Variants in VPS8 observed in about 807,000 individuals in gnomAD.
The protein encoded by VPS8 is VPS8 subunit of CORVET complex, also known as vacuolar protein sorting-associated protein 8 homolog.
In VPS8, 129 loss-of-function variants were observed where a neutral mutation model predicts 216.4. The observed-to-expected ratio is 0.60, with a 90% CI of 0.52 to 0.69. The LOEUF (loss-of-function observed/expected upper bound fraction) is 0.69. Ranked by LOEUF, VPS8 falls within the 30% of genes least tolerant of loss-of-function variation. The probability of loss-of-function intolerance (pLI) is 0.00; values close to 1 mark genes in which losing one functional copy is unlikely to be tolerated. For synonymous variants in VPS8, 571 were observed against 565.4 expected, an observed-to-expected ratio of 1.01 and a Z score of -0.14; for missense variants, 1,531 against 1,683.5, an observed-to-expected ratio of 0.91 and a Z score of 1.59.
intron 22 of VPS8, among the ~76,000 whole-genome samples, chr3:184,891,491 G>A (rs1468248488): frequency 1.3e-5 from 2 of 151,876 alleles, no homozygotes; most frequent in Non-Finnish European, 2.9e-5. Flanking sequence ...CAAAGCTGGG[G>A]GAAAAAAGGC....
intron 25 of VPS8, among the ~76,000 whole-genome samples, chr3:184,912,053 G>A (rs550437245): frequency 1.3e-5 from 2 of 152,056 alleles, no homozygotes; most frequent in African/African-American, 4.8e-5. Context: ...GTAACCATTC[G>A]TCCTTTTAAT....
chr3:184,941,407 G>A (rs1177618187), intron 36 of VPS8, among the ~76,000 whole-genome samples: 1 of 151,008 alleles, frequency 6.6e-6, no homozygotes, highest in Non-Finnish European at 1.5e-5. Flanking sequence ...TTATTACTGA[G>A]GGTAGACATC....
intron 25 of VPS8, among the ~76,000 whole-genome samples, chr3:184,909,849 G>A (rs1052789605): frequency 6.6e-6 from 1 of 152,062 alleles, no homozygotes; most frequent in African/African-American, 2.4e-5. Flanking sequence ...ACATTGTGTG[G>A]AGAGTATGGG....
At position 184,839,712 on chromosome 3, in the gene VPS8, G is replaced by A; in HGVS notation, c.495G>A (p.Leu165=). Residue 165 remains leucine (L), a synonymous_variant, in exon 7 of 48, where the codon CTG becomes CTA. Coordinates refer to ENST00000625842, the MANE Select transcript of VPS8 (RefSeq NM_001009921.3). ...GLPTAIAVSS[L]IAVGTSHGLA... is the part of the protein sequence containing the mutation. ...TTTGTTTTCAGGCAGTATCCAGTCT[G>A]ATAGCAGTGGGTACATCTCATGGAT... 1 of 1,606,484 alleles carries A rather than the reference G, an allele frequency of 6.2e-7. No individual in the cohort carries two copies.
Position 184,898,591 on chromosome 3 carries a change from T to C in VPS8, c.2031T>C (p.Arg677=). 1 of 1,554,634 alleles carries C rather than the reference T, an allele frequency of 6.4e-7. No homozygotes were observed. The highest frequency in any genetic ancestry group is 8.7e-7 in the Non-Finnish European group (1 of 1,147,960). ...QQVVLMCWEN[R]LYDAMIYVYN... Reference sequence around the variant, plus strand: ...TAGTTCTCATGTGTTGGGAAAATCGTTTATATGATGCTATGATCTATGTCT... The same window carrying C: ...TAGTTCTCATGTGTTGGGAAAATCGCTTATATGATGCTATGATCTATGTCT... The change falls in exon 24 of 48, where the codon CGT becomes CGC. Residue 677 remains arginine, a synonymous_variant. Transcript: ENST00000625842.
rs926961394 is a variant in VPS8, at chr3:184,841,073, T to A, written c.535+1321T>A. On this transcript the variant is annotated intron_variant, in intron 7 of 47. Transcript: ENST00000625842. ...CAAAGGTAATTGATTTAAATAAGAG[T>A]TTTATTGTTTGGGGACCAGAAGAGT... is the stretch of plus-strand genomic sequence containing the variant. Among the ~76,000 whole-genome samples the A allele has an allele frequency of 6.6e-5, 10 of 152,138 alleles. No homozygotes were observed. In the South Asian group the frequency reaches 2.1e-3, roughly 32 times the overall value.
rs538774321 is a variant in VPS8, at chr3:184,880,991, C to G, written c.1735-5119C>G. Among the ~76,000 whole-genome samples the G allele has an allele frequency of 1.7e-3, 257 of 152,198 alleles. 6 individuals carry two copies. In the South Asian group the frequency reaches 0.018, roughly 10 times the overall value. On this transcript the variant is annotated intron_variant, in intron 21 of 47. Coordinates refer to ENST00000625842, the MANE Select transcript of VPS8 (RefSeq NM_001009921.3). ...TGAAATGTTTCTGCATGGGTTTTGCCTCTCTTCTAACTGGATTGTTTCTCA... is the reference window on the plus strand; with the variant it reads ...TGAAATGTTTCTGCATGGGTTTTGCGTCTCTTCTAACTGGATTGTTTCTCA...
intron 36 of VPS8, among the ~76,000 whole-genome samples, chr3:184,950,758 C>T (rs1325524925): frequency 6.6e-6 from 1 of 152,042 alleles, no homozygotes; most frequent in Non-Finnish European, 1.5e-5. Context: ...TGTTCTTCCC[C>T]TCCCTGTGTC....
chr3:184,936,876 T>A (rs1412514480), intron 35 of VPS8, among the ~76,000 whole-genome samples: 4 of 152,022 alleles, frequency 2.6e-5, no homozygotes, highest in African/African-American at 9.7e-5. Context: ...TAGCTGGGAC[T>A]ACAGATGCCT....
chr3:184,893,591 C>T (rs1380751195), intron 22 of VPS8, among the ~76,000 whole-genome samples: 2 of 152,098 alleles, frequency 1.3e-5, no homozygotes, highest in African/African-American at 4.8e-5. Flanking sequence ...TCTGGTGAAA[C>T]TGGTAGGATT....
chr3:184,885,839 CCT>C (rs1419102568), intron 21 of VPS8: 7 of 301,946 alleles, frequency 2.3e-5, no homozygotes, highest in East Asian at 5.3e-5. Flanking sequence ...TCTTCTGCTC[CCT>C]CTGTTAGAAA....
intron 45 of VPS8, among the ~76,000 whole-genome samples, chr3:185,015,600 A>G (rs528328817): frequency 9.2e-5 from 14 of 152,332 alleles, no homozygotes; most frequent in East Asian, 1.9e-4. Flanking sequence ...AGCACCTTCA[A>G]TTGGTTTAAA....
chr3:184,963,604 C>T (rs1746905483), intron 37 of VPS8, among the ~76,000 whole-genome samples: 1 of 151,920 alleles, frequency 6.6e-6, no homozygotes, highest in Non-Finnish European at 1.5e-5. Flanking sequence ...TATTTTAATT[C>T]CAATCTTGTA....
chr3:184,849,541 G>A (rs1168166813), intron 9 of VPS8: 1 of 249,128 alleles, frequency 4.0e-6, no homozygotes, highest in African/African-American at 2.3e-5. Flanking sequence ...AACGATTTTT[G>A]CATTTCTTTC....
chr3:184,984,625 A>T (rs1750787094), intron 42 of VPS8, among the ~76,000 whole-genome samples: 1 of 152,262 alleles, frequency 6.6e-6, no homozygotes, highest in Middle Eastern at 3.4e-3. Flanking sequence ...ATTTCATTTG[A>T]TCTTAGCAAT....
At chr3:184,887,612 G>A (rs1007206058) in intron 22 of VPS8, among the ~76,000 whole-genome samples, 2 of 152,166 alleles carry the variant, frequency 1.3e-5, no homozygotes, top group Admixed American at 1.3e-4. Flanking sequence ...TGGCAAAGGT[G>A]GGATTCAAAT....
chr3:184,830,213 AGAGTATTCTCATCT>A (rs1266813798), intron 3 of VPS8, among the ~76,000 whole-genome samples: 94 of 152,318 alleles, frequency 6.2e-4, no homozygotes, highest in Non-Finnish European at 1.2e-3. Context: ...TGTACTAAAA[AGAGTATTCTCATCT>A]GGTGTCACCT....
Position 184,913,570 on chromosome 3 carries a change from GTTTTA to G in VPS8, c.2189+13_2189+17del, listed in dbSNP as rs763393547. 3.2e-6 allele frequency: 5 copies of G among 1,559,396 alleles called. No individual in the cohort carries two copies. In the Admixed American group the frequency reaches 7.7e-5, roughly 24 times the overall value. ...CTCCTTGTATATATTAGGTAAGATTGTTTTATTTATTCATCTGCATGTATGTTCTT... is the reference window on the plus strand; with the variant it reads ...CTCCTTGTATATATTAGGTAAGATTGTTTATTCATCTGCATGTATGTTCTT... On this transcript the variant is annotated intron_variant, in intron 26 of 47. Transcript: ENST00000625842.
chr3:185,041,236 C>T (rs1416588375), intron 46 of VPS8, among the ~76,000 whole-genome samples: 1 of 151,940 alleles, frequency 6.6e-6, no homozygotes, highest in Non-Finnish European at 1.5e-5. Flanking sequence ...AAGGATAGAG[C>T]CTTACAGCTC....
Sources: allele counts gnomAD v4.1 joint callset (sites outside exome capture counted in the v4.1 genomes callset), GRCh38; gene constraint gnomAD v4.1.1; transcripts MANE v1.5; gene names NCBI Gene and HGNC (gene_info 2026-07-23, HGNC 2026-07-21).